Variants in MRPS31 observed in about 807,000 individuals in gnomAD.
MRPS31 encodes the protein mitochondrial ribosomal protein S31.
In MRPS31, 32 loss-of-function variants were observed where a neutral mutation model predicts 43.1. The ratio of observed to expected loss-of-function variants is 0.74; its 90% CI spans 0.56 to 1.00. The LOEUF is 1.00. Among genes scored for constraint, MRPS31 ranks in the 50% least tolerant of loss-of-function variants. The pLI, the probability that MRPS31 is intolerant of heterozygous loss-of-function variation, is 0.00. For missense variants in MRPS31, 437 were observed against 466.7 expected (o/e 0.94, Z 0.59); for synonymous variants, 165 against 161.6 (o/e 1.02, Z -0.16).
In MRPS31 at chr13:40,749,208, A is replaced by T. The variant is rs567622797; in HGVS notation, c.888T>A (p.Asn296Lys). Residue 296 changes from asparagine (N) to lysine (K), a missense_variant, in exon 6 of 7, where the codon AAT becomes AAA. Asn to Lys is a moderately conservative substitution (Grantham distance 94). Transcript: ENST00000323563. ...LATVNEQPLQ[N>K]GFEELIQWTK... is the part of the protein sequence containing the mutation. ...TCCACTGGATCAGCTCTTCAAATCCATTCTGAAGGGGTTGTTCATTTACTG... is the reference window on the plus strand; with the variant it reads ...TCCACTGGATCAGCTCTTCAAATCCTTTCTGAAGGGGTTGTTCATTTACTG... 1.9e-6 allele frequency: 3 copies of T among 1,601,368 alleles called. No individual in the cohort carries two copies. Among genetic ancestry groups the T allele is most frequent in the South Asian group, 2.3e-5 (2 of 88,412 alleles).
At chr13:40,737,336 A>G (rs1359858931) in intron 6 of MRPS31, among the ~76,000 whole-genome samples, 3 of 152,136 alleles carry the variant, frequency 2.0e-5, no homozygotes, top group African/African-American at 4.8e-5. Context: ...TAATAATGGG[A>G]GACTTTAACA....
chr13:40,743,099 G>A (rs894955918), intron 6 of MRPS31, among the ~76,000 whole-genome samples: 3 of 152,090 alleles, frequency 2.0e-5, no homozygotes, highest in African/African-American at 7.2e-5. Flanking sequence ...ATCACCTGAG[G>A]TCAGGAGTTC....
intron 4 of MRPS31, 89 bp from the exon 5 acceptor site, chr13:40,754,181 CT>C: frequency 1.4e-6 from 1 of 724,886 alleles, no homozygotes; most frequent in East Asian, 3.1e-5. Context: ...GTGAAATATT[CT>C]ATGTAGAAAT....
chr13:40,765,855 C>T (rs185383684), intron 2 of MRPS31, among the ~76,000 whole-genome samples: 1 of 152,242 alleles, frequency 6.6e-6, no homozygotes, highest in East Asian at 1.9e-4. Flanking sequence ...GCCATTTAAC[C>T]TACCACACAA....
chr13:40,761,197 G>A (rs1019470853), intron 2 of MRPS31, among the ~76,000 whole-genome samples: 4 of 151,722 alleles, frequency 2.6e-5, no homozygotes, highest in African/African-American at 9.7e-5. Context: ...AGCACAGGAG[G>A]TAGAGGCTGC....
chr13:40,760,150 A>AC (rs202147633), intron 2 of MRPS31, among the ~76,000 whole-genome samples: 2,184 of 151,092 alleles, frequency 0.014, 46 homozygotes, highest in African/African-American at 0.048. Flanking sequence ...AAAAAAAAAA[A>AC]AAAAAACTGT....
intron 6 of MRPS31, among the ~76,000 whole-genome samples, chr13:40,737,869 T>C (rs1879968194): frequency 1.3e-5 from 2 of 151,358 alleles, no homozygotes; most frequent in African/African-American, 4.9e-5. Context: ...AACATCACAA[T>C]TAAAAGAACT....
intron 3 of MRPS31, 78 bp downstream of exon 3, chr13:40,758,870 T>G: frequency 7.8e-7 from 1 of 1,283,284 alleles, no homozygotes; most frequent in Non-Finnish European, 1.0e-6. Flanking sequence ...ATATATTATG[T>G]GTATTACTCA....
intron 2 of MRPS31, among the ~76,000 whole-genome samples, chr13:40,759,911 T>A (rs1179959011): frequency 6.6e-6 from 1 of 152,124 alleles, no homozygotes; most frequent in Non-Finnish European, 1.5e-5. Context: ...ACTCAGCTCA[T>A]GACAACATGA....
chr13:40,762,048 C>T (rs1477306616), intron 2 of MRPS31, among the ~76,000 whole-genome samples: 1 of 151,852 alleles, frequency 6.6e-6, no homozygotes, highest in Non-Finnish European at 1.5e-5. Flanking sequence ...TCATGACCAG[C>T]CTGGACAACA....
intron 6 of MRPS31, among the ~76,000 whole-genome samples, chr13:40,733,959 C>CAAAAAA (rs61512285): frequency 3.5e-5 from 2 of 56,666 alleles, no homozygotes; most frequent in Admixed American, 2.4e-4. Context: ...GACTCTGACT[C>CAAAAAA]AAAAAAAAAA....
At position 40,756,891 on chromosome 13, in the gene MRPS31, G is replaced by T. The variant is rs1854421; in HGVS notation, c.722C>A (p.Thr241Lys). The change falls in exon 4 of 7, where the codon ACG becomes AAG. Residue 241 changes from threonine to lysine, a missense_variant. Coordinates refer to ENST00000323563, the MANE Select transcript of MRPS31 (RefSeq NM_005830.4). ...CTGATACCTTTTTTTAAGATCATCC[G>T]TCTTCTCCTGGCCAGGATAATTGTC... ...GYDNYPGQEK[T>K]DDLKKRKNIF... 3.1e-6 allele frequency: 5 copies of T among 1,612,970 alleles called. No individual in the cohort carries two copies. In the South Asian group the frequency reaches 5.5e-5, roughly 18 times the overall value.
intron 3 of MRPS31, among the ~76,000 whole-genome samples, chr13:40,757,490 G>A (rs1880563273): frequency 7.4e-6 from 1 of 135,294 alleles, no homozygotes; most frequent in African/African-American, 2.9e-5. Context: ...TGTTGCCCAG[G>A]TTGGAGTGCA....
chr13:40,754,493 C>T (rs1880474734), intron 4 of MRPS31, among the ~76,000 whole-genome samples: 1 of 152,174 alleles, frequency 6.6e-6, no homozygotes, highest in Non-Finnish European at 1.5e-5. Context: ...TGTTTAATTA[C>T]AAATTATAAT....
chr13:40,733,148 C>T (rs1593440181), intron 6 of MRPS31, among the ~76,000 whole-genome samples: 1 of 151,870 alleles, frequency 6.6e-6, no homozygotes, highest in Non-Finnish European at 1.5e-5. Flanking sequence ...GGATTACAGG[C>T]ACTCACCACC....
intron 6 of MRPS31, among the ~76,000 whole-genome samples, chr13:40,730,224 TAA>T (rs2137988898): frequency 6.6e-6 from 1 of 152,106 alleles, no homozygotes; most frequent in South Asian, 2.1e-4. Flanking sequence ...CTGTAAATGT[TAA>T]AAATGTGGTG....
At chr13:40,745,173 C>T (rs768276398) in intron 6 of MRPS31, among the ~76,000 whole-genome samples, 4 of 152,082 alleles carry the variant, frequency 2.6e-5, no homozygotes, top group Non-Finnish European at 5.9e-5. Context: ...CCACCCACCT[C>T]GGCCTCCTAA....
chr13:40,750,822 T>C (rs1255284466), intron 5 of MRPS31, among the ~76,000 whole-genome samples: 2 of 150,006 alleles, frequency 1.3e-5, no homozygotes, highest in African/African-American at 4.9e-5. Flanking sequence ...TTTGATCATT[T>C]ATATATTTTC....
At chr13:40,761,003 G>A (rs116768896) in intron 2 of MRPS31, among the ~76,000 whole-genome samples, 1,586 of 152,152 alleles carry the variant, frequency 0.01, 34 homozygotes, top group African/African-American at 0.036. Flanking sequence ...GGTCGGGCAC[G>A]GTGGCTCATT....
Sources: allele counts gnomAD v4.1 joint callset (sites outside exome capture counted in the v4.1 genomes callset), GRCh38; gene constraint gnomAD v4.1.1; transcripts MANE v1.5; gene names NCBI Gene and HGNC (gene_info 2026-07-23, HGNC 2026-07-21).